RTL10: variants seen among roughly 807,000 people sequenced by gnomAD.
The protein encoded by RTL10 is protein Bop.
For missense variants in RTL10, 477 were observed against 470.7 expected (o/e 1.01, Z -0.12); for synonymous variants, 199 against 188.4 (o/e 1.06, Z -0.46).
chr22:19,851,533 C>T lies in RTL10; in HGVS notation c.729G>A (p.Val243=). 1 of 1,614,028 alleles carries T rather than the reference C, an allele frequency of 6.2e-7. No individual in the cohort carries two copies. The highest frequency in any genetic ancestry group is 1.1e-5 in the South Asian group (1 of 91,072). The part of the protein sequence containing the change: ...SLPAAMATPA[V]SGSNSVSRSA... ...TTCTAGATACAGAGTTGGACCCAGA[C>T]ACAGCAGGGGTGGCCATGGCGGCTG... The change falls in exon 3 of 3, where the codon GTG becomes GTA. Residue 243 remains valine, a synonymous_variant. Transcript: ENST00000328554.
Position 19,854,487 on chromosome 22 carries a change from A to C in RTL10, c.-270T>G, listed in dbSNP as rs951381676. On this transcript the variant is annotated 5_prime_UTR_variant, in exon 2 of 3. Transcript: ENST00000328554. ...CCGCGAAGAGGGTCCTGGGATCCGTAGCCACAGACCGTGGGACGGGCCTCC... is the reference window on the plus strand; with the variant it reads ...CCGCGAAGAGGGTCCTGGGATCCGTCGCCACAGACCGTGGGACGGGCCTCC... 1 of 152,674 alleles carries C rather than the reference A, an allele frequency of 6.5e-6. No individual in the cohort carries two copies. Among genetic ancestry groups the C allele is most frequent in the Non-Finnish European group, 1.5e-5 (1 of 68,056 alleles). 9.5% of individuals were successfully genotyped at this position (152,674 alleles called of 1,614,324 possible).
Position 19,847,728 on chromosome 22 carries a change from C to G in RTL10, c.*3439G>C. ...TTATATTATTGTGTATTCCCACCAACAGTATGAGAAGGTCCACTTCTCCAT... is the reference window on the plus strand; with the variant it reads ...TTATATTATTGTGTATTCCCACCAAGAGTATGAGAAGGTCCACTTCTCCAT... On this transcript the variant is annotated 3_prime_UTR_variant, in exon 3 of 3. Coordinates refer to ENST00000328554, the MANE Select transcript of RTL10 (RefSeq NM_024627.6). 2.0e-6 allele frequency: 2 copies of G among 976,854 alleles called. No individual in the cohort carries two copies. Among genetic ancestry groups the G allele is most frequent in the Non-Finnish European group, 1.2e-6 (1 of 828,714 alleles). 60.5% of individuals were successfully genotyped at this position (976,854 alleles called of 1,614,324 possible).
chr22:19,851,632 AGGCAGCTGAGGGGCCACT>A lies in RTL10; in HGVS notation c.612_629del (p.Ala206_Val211del), dbSNP rs747265411. On this transcript the variant is annotated inframe_deletion, in exon 3 of 3. Coordinates refer to ENST00000328554, the MANE Select transcript of RTL10 (RefSeq NM_024627.6). Reference sequence around the variant, plus strand: ...ACCTAGCTAAGTATTGCCTCACCACAGGCAGCTGAGGGGCCACTGGCAGCTGGCTGGAGGCCAGGGGCA... The same window carrying A: ...ACCTAGCTAAGTATTGCCTCACCACAGGCAGCTGGCTGGAGGCCAGGGGCA... 8 of 1,593,632 alleles carry A rather than the reference AGGCAGCTGAGGGGCCACT, an allele frequency of 5.0e-6. No individual in the cohort carries two copies. In the South Asian group the frequency reaches 9.0e-5, roughly 18 times the overall value.
Position 19,847,871 on chromosome 22 carries a change from A to G in RTL10, c.*3296T>C. The G allele has an allele frequency of 1.0e-6, 1 of 969,742 alleles. No individual in the cohort carries two copies. The highest frequency in any genetic ancestry group is 1.8e-5 in the African/African-American group (1 of 56,318). 60.1% of individuals were successfully genotyped at this position (969,742 alleles called of 1,614,324 possible). On this transcript the variant is annotated 3_prime_UTR_variant, in exon 3 of 3. Coordinates refer to ENST00000328554, the MANE Select transcript of RTL10 (RefSeq NM_024627.6). ...GTACTTTCATAATTGTAACATTGAA[A>G]TCTTTAATCTGGAATATGTACTGGC...
chr22:19,853,509 C>T lies in RTL10; in HGVS notation c.-226+934G>A, dbSNP rs573804692. On this transcript the variant is annotated intron_variant, in intron 2 of 2. Transcript: ENST00000328554. ...ACGACCTCCAGGAAACTCTCTGCTT[C>T]ACCCCACACACAAACGCCACCGGCT... Among the ~76,000 whole-genome samples, 5 of 152,300 alleles carry T rather than the reference C, an allele frequency of 3.3e-5. No individual in the cohort carries two copies. The South Asian group carries it at 1.0e-3, about 32-fold the overall frequency.
Position 19,847,943 on chromosome 22 carries a change from A to G in RTL10, c.*3224T>C, listed in dbSNP as rs1938005177. 1.0e-6 allele frequency: 1 copy of G among 985,126 alleles called. No individual in the cohort carries two copies. Among genetic ancestry groups the G allele is most frequent in the Non-Finnish European group, 1.2e-6 (1 of 829,812 alleles). 61.0% of individuals were successfully genotyped at this position (985,126 alleles called of 1,614,324 possible). On this transcript the variant is annotated 3_prime_UTR_variant, in exon 3 of 3. Transcript: ENST00000328554. The stretch of plus-strand genomic sequence containing the variant: ...TGGCTTTACTATTTTCCAGAGGGCC[A>G]ACTGCTTTTACTGAATAATCCATTT...
Position 19,846,851 on chromosome 22 carries a change from G to A in RTL10, c.*4316C>T. 1.1e-6 allele frequency: 1 copy of A among 886,858 alleles called. No individual in the cohort carries two copies. The highest frequency in any genetic ancestry group is 1.4e-6 in the Non-Finnish European group (1 of 739,928). 54.9% of individuals were successfully genotyped at this position (886,858 alleles called of 1,614,324 possible). ...CTCAGGCTTCTAGCTCCAGAATCATGAGGAAATGTCTGTTGTTTAAGTCCC... is the reference window on the plus strand; with the variant it reads ...CTCAGGCTTCTAGCTCCAGAATCATAAGGAAATGTCTGTTGTTTAAGTCCC... On this transcript the variant is annotated 3_prime_UTR_variant, in exon 3 of 3. Coordinates refer to ENST00000328554, the MANE Select transcript of RTL10 (RefSeq NM_024627.6).
rs1601362299 is a variant in RTL10 at position 19,854,834 on chromosome 22, C to A, written c.-497G>T. On this transcript the variant is annotated 5_prime_UTR_variant, in exon 1 of 3. Transcript: ENST00000328554. ...TCCACACTGACCCTCTTGCCGGAGT[C>A]GGGAACGCCTGCTCCTAGGAGCGCC... The A allele has an allele frequency of 1.3e-5, 2 of 152,432 alleles. No individual in the cohort carries two copies. Among genetic ancestry groups the A allele is most frequent in the Admixed American group, 1.3e-4 (2 of 15,310 alleles). 9.4% of individuals were successfully genotyped at this position (152,432 alleles called of 1,614,324 possible). A position where few individuals can be genotyped will look rare whatever the true frequency, so the allele number is the denominator to read the frequency against.
In RTL10 at chr22:19,847,116, A is replaced by T. The variant is rs1937979405; in HGVS notation, c.*4051T>A. ...TGGCCACAGAAATGGAAGTGGGGTG[A>T]CACACATTACTTGTGGCCTGCTGTG... On this transcript the variant is annotated 3_prime_UTR_variant, in exon 3 of 3. Transcript: ENST00000328554. The T allele has an allele frequency of 1.0e-6, 1 of 985,420 alleles. No homozygotes were observed. Among genetic ancestry groups the T allele is most frequent in the South Asian group, 4.7e-5 (1 of 21,284 alleles). The allele number at this position is 985,420 out of a possible 1,614,324, so 61.0% of individuals were successfully genotyped here.
chr22:19,852,314 G>A lies in RTL10; in HGVS notation c.-53C>T. The A allele has an allele frequency of 6.4e-7, 1 of 1,551,660 alleles. No individual in the cohort carries two copies. The highest frequency in any genetic ancestry group is 8.7e-7 in the Non-Finnish European group (1 of 1,143,922). On this transcript the variant is annotated 5_prime_UTR_variant, in exon 3 of 3. Coordinates refer to ENST00000328554, the MANE Select transcript of RTL10 (RefSeq NM_024627.6). The stretch of plus-strand genomic sequence containing the variant: ...GAGCCAGCACTGGTGGGTGGTGGGG[G>A]TGTGGACAGATGTGGCTTGCACGAC...
Position 19,850,680 on chromosome 22 carries a change from C to T in RTL10, c.*487G>A. The T allele has an allele frequency of 8.1e-7, 1 of 1,231,030 alleles. No individual in the cohort carries two copies. Among genetic ancestry groups the T allele is most frequent in the Non-Finnish European group, 1.0e-6 (1 of 988,276 alleles). 76.3% of individuals were successfully genotyped at this position (1,231,030 alleles called of 1,614,324 possible). A position where few individuals can be genotyped will look rare whatever the true frequency, so the allele number is the denominator to read the frequency against. ...AGCCTTCCTCACATTCCAGCTGGGA[C>T]AGAAGTCACAGGGAGCAGAGAGGGT... On this transcript the variant is annotated 3_prime_UTR_variant, in exon 3 of 3. Transcript: ENST00000328554.
Position 19,850,312 on chromosome 22 carries a change from C to G in RTL10, c.*855G>C. 1.0e-6 allele frequency: 1 copy of G among 982,762 alleles called. No homozygotes were observed. The allele number at this position is 982,762 out of a possible 1,614,324, so 60.9% of individuals were successfully genotyped here. A position where few individuals can be genotyped will look rare whatever the true frequency, so the allele number is the denominator to read the frequency against. On this transcript the variant is annotated 3_prime_UTR_variant, in exon 3 of 3. Coordinates refer to ENST00000328554, the MANE Select transcript of RTL10 (RefSeq NM_024627.6). ...AGCTGACTAAGACAGAGCCCCTGTG[C>G]TGAGGGTCACAGTCTGCCAGGAGGG...
Position 19,847,995 on chromosome 22 carries a change from C to G in RTL10, c.*3172G>C, listed in dbSNP as rs80122683. On this transcript the variant is annotated 3_prime_UTR_variant, in exon 3 of 3. Coordinates refer to ENST00000328554, the MANE Select transcript of RTL10 (RefSeq NM_024627.6). ...ACTCGTTAATTGGAAACACCTCTAG[C>G]CTGTACTAAATTTCCATATTTATTT... The G allele has an allele frequency of 0.014, 14,177 of 985,066 alleles. 1,464 individuals are homozygous for G. The African/African-American group carries it at 0.22, about 16-fold the overall frequency. The allele number at this position is 985,066 out of a possible 1,614,324, so 61.0% of individuals were successfully genotyped here. A position where few individuals can be genotyped will look rare whatever the true frequency, so the allele number is the denominator to read the frequency against.
At chr22:19,854,333 C>T (rs560804335) in intron 2 of RTL10, 110 bp downstream of exon 2, 1 of 152,716 alleles carries the variant, frequency 6.5e-6, no homozygotes, top group African/African-American at 2.4e-5. Flanking sequence ...AAAACCTGCC[C>T]AAAGCCTTAA....
rs1014684080 is a variant in RTL10, at chr22:19,846,379, C to T, written c.*4788G>A. 3.3e-5 allele frequency: 32 copies of T among 974,948 alleles called. No homozygotes were observed. The highest frequency in any genetic ancestry group is 1.2e-4 in the Admixed American group (2 of 16,254). The allele number at this position is 974,948 out of a possible 1,614,324, so 60.4% of individuals were successfully genotyped here. On this transcript the variant is annotated 3_prime_UTR_variant, in exon 3 of 3. Transcript: ENST00000328554. ...GAAAGATTTCTTAAGTGAGAAACAG[C>T]ATCCCATACAGCACAACTGGGCACT...
chr22:19,850,711 TA>T lies in RTL10; in HGVS notation c.*455del, dbSNP rs2145905610. Reference sequence around the variant, plus strand: ...TCACAGGGAGCAGAGAGGGTGGGGCTAGGGGGACAGACACAGAAACCCCATA... The same window carrying T: ...TCACAGGGAGCAGAGAGGGTGGGGCTGGGGGACAGACACAGAAACCCCATA... On this transcript the variant is annotated 3_prime_UTR_variant, in exon 3 of 3. Transcript: ENST00000328554. 1.5e-5 allele frequency: 19 copies of T among 1,235,536 alleles called. No individual in the cohort carries two copies. Among genetic ancestry groups the T allele is most frequent in the South Asian group, 1.3e-4 (3 of 23,942 alleles). The allele number at this position is 1,235,536 out of a possible 1,614,324, so 76.5% of individuals were successfully genotyped here. A position where few individuals can be genotyped will look rare whatever the true frequency, so the allele number is the denominator to read the frequency against.
Position 19,847,604 on chromosome 22 carries a change from A to C in RTL10, c.*3563T>G. 2 of 980,168 alleles carry C rather than the reference A, an allele frequency of 2.0e-6. No individual in the cohort carries two copies. The highest frequency in any genetic ancestry group is 4.7e-5 in the South Asian group (1 of 21,154). The allele number at this position is 980,168 out of a possible 1,614,324, so 60.7% of individuals were successfully genotyped here. A position where few individuals can be genotyped will look rare whatever the true frequency, so the allele number is the denominator to read the frequency against. On this transcript the variant is annotated 3_prime_UTR_variant, in exon 3 of 3. Coordinates refer to ENST00000328554, the MANE Select transcript of RTL10 (RefSeq NM_024627.6). ...CCTCCAGTCCCTGCTCTAAACCCCC[A>C]TGTAGTGGTACCGAACCATGACCAC... is the stretch of plus-strand genomic sequence containing the variant.
intron 2 of RTL10, among the ~76,000 whole-genome samples, chr22:19,854,205 A>T (rs918579612): frequency 6.6e-6 from 1 of 152,106 alleles, no homozygotes; most frequent in Non-Finnish European, 1.5e-5. Flanking sequence ...ACTGGACAGC[A>T]CTATCCTAAA....
In RTL10 at chr22:19,852,351, G is replaced by C; in HGVS notation, c.-90C>G. 7.0e-7 allele frequency: 1 copy of C among 1,420,938 alleles called. No homozygotes were observed. The highest frequency in any genetic ancestry group is 9.6e-7 in the Non-Finnish European group (1 of 1,039,792). The allele number at this position is 1,420,938 out of a possible 1,614,324, so 88.0% of individuals were successfully genotyped here. On this transcript the variant is annotated 5_prime_UTR_variant, in exon 3 of 3. Transcript: ENST00000328554. Reference sequence around the variant, plus strand: ...GTGGCTTGCACGACACAACAGGACAGGGATGGCTGAACAGGGCGTGGCAGA... The same window carrying C: ...GTGGCTTGCACGACACAACAGGACACGGATGGCTGAACAGGGCGTGGCAGA...
Sources: gnomAD v4.1 joint callset for allele counts (sites outside exome capture counted in the v4.1 genomes callset) on GRCh38, gnomAD v4.1.1 for gene constraint, MANE v1.5 for transcripts, NCBI Gene and HGNC (gene_info 2026-07-23, HGNC 2026-07-21) for gene names.